The following MEIKIN variants were observed in gnomAD, a reference collection of about 807,000 sequenced individuals.
MEIKIN encodes meiotic kinetochore factor, also known as meiosis-specific kinetochore protein.
intron 8 of MEIKIN, among the ~76,000 whole-genome samples, chr5:131,898,521 T>C (rs991758446): frequency 2.1e-4 from 32 of 152,250 alleles, no homozygotes; most frequent in African/African-American, 7.5e-4. Flanking sequence ...AGCTATGCCC[T>C]GCCCACAAAG....
intron 11 of MEIKIN, among the ~76,000 whole-genome samples, chr5:131,833,135 C>G (rs550696818): frequency 6.6e-6 from 1 of 152,186 alleles, no homozygotes; most frequent in Admixed American, 6.5e-5. Flanking sequence ...TCTTTTAAAA[C>G]AGAATGCTTT....
At position 131,851,399 on chromosome 5, in the gene MEIKIN, T is replaced by C. The variant is rs1339836592; in HGVS notation, c.856-16A>G. 1 of 397,560 alleles carries C rather than the reference T, an allele frequency of 2.5e-6. No homozygotes were observed. Among genetic ancestry groups the C allele is most frequent in the Non-Finnish European group, 4.4e-6 (1 of 225,178 alleles). 24.6% of individuals were successfully genotyped at this position (397,560 alleles called of 1,614,324 possible). A position where few individuals can be genotyped will look rare whatever the true frequency, so the allele number is the denominator to read the frequency against. On this transcript the variant is annotated splice_polypyrimidine_tract_variant and intron_variant, in intron 10 of 12. Transcript: ENST00000442687. Reference sequence around the variant, plus strand: ...ACAAATCAATCTATAAAAGAATACATTATTGTTTTGTGGAAGTTAAACATT... The same window carrying C: ...ACAAATCAATCTATAAAAGAATACACTATTGTTTTGTGGAAGTTAAACATT...
intron 5 of MEIKIN, among the ~76,000 whole-genome samples, chr5:131,931,633 T>C (rs1751695595): frequency 1.3e-5 from 2 of 152,194 alleles, no homozygotes; most frequent in African/African-American, 4.8e-5. Context: ...GTAGGAATTA[T>C]GGTGAGGATG....
Position 131,878,861 on chromosome 5 carries a change from T to C in MEIKIN, c.774+117A>G, listed in dbSNP as rs1378496069. ...CTGAACTCTAACCTGGGTGACAGAA[T>C]GAGACCCCATTTCTTAAAAAAAAAA... On this transcript the variant is annotated intron_variant, in intron 9 of 12. Coordinates refer to ENST00000442687, the MANE Select transcript of MEIKIN (RefSeq NM_001303622.2). 3 of 366,970 alleles carry C rather than the reference T, an allele frequency of 8.2e-6. No homozygotes were observed. The East Asian group carries it at 1.1e-4, about 14-fold the overall frequency. 22.7% of individuals were successfully genotyped at this position (366,970 alleles called of 1,614,324 possible).
chr5:131,906,228 C>CAAG (rs956895304), intron 8 of MEIKIN, among the ~76,000 whole-genome samples: 34 of 152,252 alleles, frequency 2.2e-4, no homozygotes, highest in African/African-American at 7.7e-4. Flanking sequence ...AGACACTCTT[C>CAAG]AAAAGAAGAC....
chr5:131,914,604 AG>A (rs1270947565), intron 7 of MEIKIN, among the ~76,000 whole-genome samples: 3 of 718 alleles, frequency 4.2e-3, no homozygotes, highest in East Asian at 0.031. Flanking sequence ...AGGGAAGGGA[AG>A]GGAAGGAAAG....
At chr5:131,898,304 C>T (rs1384274149) in intron 8 of MEIKIN, among the ~76,000 whole-genome samples, 1 of 152,152 alleles carries the variant, frequency 6.6e-6, no homozygotes, top group Non-Finnish European at 1.5e-5. Context: ...AGCTTTGTCC[C>T]AGAGGGGCAG....
chr5:131,880,124 T>C (rs1024728417), intron 8 of MEIKIN, among the ~76,000 whole-genome samples: 14 of 145,736 alleles, frequency 9.6e-5, no homozygotes, highest in Non-Finnish European at 1.8e-4. Context: ...GTTTTGCTCT[T>C]TGTTGCCCAG....
intron 9 of MEIKIN, among the ~76,000 whole-genome samples, chr5:131,870,655 A>G (rs578016593): frequency 6.6e-6 from 1 of 152,218 alleles, no homozygotes; most frequent in Non-Finnish European, 1.5e-5. Context: ...AAAGATGCTC[A>G]AAACGGAAAC....
intron 11 of MEIKIN, among the ~76,000 whole-genome samples, chr5:131,828,719 C>CA (rs1561724600): frequency 1.3e-5 from 2 of 152,146 alleles, no homozygotes; most frequent in Non-Finnish European, 2.9e-5. Context: ...GAAAAAGACT[C>CA]ATATTAAAGC....
At chr5:131,814,345 C>T (rs1240313871) in intron 12 of MEIKIN, among the ~76,000 whole-genome samples, 3 of 150,056 alleles carry the variant, frequency 2.0e-5, no homozygotes, top group East Asian at 3.9e-4. Context: ...GGCGTGATTA[C>T]AGCTTACTGC....
intron 8 of MEIKIN, among the ~76,000 whole-genome samples, chr5:131,908,200 G>C (rs1333059562): frequency 6.6e-6 from 1 of 152,052 alleles, no homozygotes; most frequent in Non-Finnish European, 1.5e-5. Flanking sequence ...ATAGCAAACT[G>C]AATTCAACAA....
chr5:131,879,981 G>A (rs1201203094), intron 8 of MEIKIN, among the ~76,000 whole-genome samples: 6 of 152,038 alleles, frequency 3.9e-5, no homozygotes, highest in African/African-American at 7.2e-5. Flanking sequence ...GGGCAGTGGC[G>A]TGATCCGGGC....
chr5:131,850,433 G>A (rs1750092284), intron 11 of MEIKIN, among the ~76,000 whole-genome samples: 1 of 152,120 alleles, frequency 6.6e-6, no homozygotes, highest in Non-Finnish European at 1.5e-5. Flanking sequence ...ATTTCAAAAT[G>A]TACAAAGCTA....
chr5:131,934,656 A>T (rs1235883292), intron 4 of MEIKIN, among the ~76,000 whole-genome samples: 1 of 152,258 alleles, frequency 6.6e-6, no homozygotes, highest in African/African-American at 2.4e-5. Context: ...ACACCGAGTT[A>T]TGCAAAGAAT....
At chr5:131,833,233 G>A (rs896700059) in intron 11 of MEIKIN, among the ~76,000 whole-genome samples, 3 of 152,094 alleles carry the variant, frequency 2.0e-5, no homozygotes, top group South Asian at 2.1e-4. Flanking sequence ...CAAGTTCAAC[G>A]TTCCATAAAT....
At chr5:131,856,473 C>T (rs1029486861) in intron 9 of MEIKIN, among the ~76,000 whole-genome samples, 4 of 152,156 alleles carry the variant, frequency 2.6e-5, no homozygotes, top group African/African-American at 9.6e-5. Flanking sequence ...CAGCCCCCAG[C>T]CAATGTCTGG....
chr5:131,929,591 T>C (rs950716139), intron 5 of MEIKIN, among the ~76,000 whole-genome samples: 6 of 152,292 alleles, frequency 3.9e-5, no homozygotes, highest in African/African-American at 1.4e-4. Context: ...ATGGGAAAAC[T>C]GTGTGTCACT....
chr5:131,834,346 A>T (rs576777560), intron 11 of MEIKIN, among the ~76,000 whole-genome samples: 3 of 152,320 alleles, frequency 2.0e-5, no homozygotes, highest in Non-Finnish European at 4.4e-5. Flanking sequence ...TTGTGGTAAG[A>T]ACATTTCAAA....
Sources: allele counts gnomAD v4.1 joint callset (sites outside exome capture counted in the v4.1 genomes callset), GRCh38; gene constraint gnomAD v4.1.1; transcripts MANE v1.5; gene names NCBI Gene and HGNC (gene_info 2026-07-23, HGNC 2026-07-21).